DNAH2: variants seen among roughly 807,000 people sequenced by gnomAD.
DNAH2 encodes the protein axonemal beta dynein heavy chain 2.
Under a neutral mutation model 523.5 loss-of-function variants are expected in DNAH2, and 323 were observed. The ratio of observed to expected loss-of-function variants is 0.62; its 90% confidence interval spans 0.56 to 0.68. The LOEUF (loss-of-function observed/expected upper bound fraction) is 0.68, where lower values mean the gene tolerates loss of function less well. Among genes scored for constraint, DNAH2 ranks in the 30% least tolerant of loss-of-function variants. DNAH2 has a pLI of 0.00. For missense variants in DNAH2, 4,907 were observed against 5,701.5 expected, an observed-to-expected ratio of 0.86 and a Z score of 4.49; for synonymous variants, 2,093 against 2,177.4, an observed-to-expected ratio of 0.96 and a Z score of 1.08.
chr17:7,737,155 A>T lies in DNAH2; in HGVS notation c.1067A>T (p.Asp356Val). The change falls in exon 8 of 86, where the codon GAC (aspartate) becomes GTC (valine). Residue 356 changes from aspartate (D) to valine (V), a missense_variant. Transcript: ENST00000572933. ...YQELAFMKPK[D>V]ISSKLPKLIS... ...GAGTTGGCTTTCATGAAGCCCAAGG[A>T]CATCTCTAGCAAGCTCCCTAAGCTG... The T allele has an allele frequency of 6.2e-7, 1 of 1,614,114 alleles. No homozygotes were observed. The highest frequency in any genetic ancestry group is 8.5e-7 in the Non-Finnish European group (1 of 1,180,020).
rs777057188 is a variant in DNAH2 at position 7,777,667 on chromosome 17, C to A, written c.5247+33C>A. ...ATGGGCCACCTCCCCACTCTCTTAC[C>A]GTAAAATGGATCCTAATGCTTTTAT... On this transcript the variant is annotated intron_variant, in intron 33 of 85. Transcript: ENST00000572933. The A allele has an allele frequency of 5.0e-6, 8 of 1,610,610 alleles. No homozygotes were observed. The African/African-American group carries it at 1.1e-4, about 22-fold the overall frequency.
chr17:7,777,092 G>A (rs2076475016), intron 32 of DNAH2, among the ~76,000 whole-genome samples: 1 of 148,852 alleles, frequency 6.7e-6, no homozygotes, highest in Non-Finnish European at 1.5e-5. Flanking sequence ...TCGTACCACT[G>A]CACTCCAGCC....
chr17:7,777,765 TC>T (rs1416706149), intron 33 of DNAH2, 131 bp downstream of exon 33: 12 of 1,185,098 alleles, frequency 1.0e-5, no homozygotes, highest in Non-Finnish European at 1.4e-5. Context: ...CTAATCCGGT[TC>T]TTCCTTCCAT....
At position 7,786,861 on chromosome 17, in the gene DNAH2, G is replaced by T; in HGVS notation, c.6467-36G>T. On this transcript the variant is annotated intron_variant, in intron 41 of 85. Transcript: ENST00000572933. The surrounding 1 kb of genome is among the most constrained non-coding windows in gnomAD (Gnocchi z 7.5). ...GTGAGCGGAGGGTGCAAGGTGAGCG[G>T]CTCCCCGGTTTCCTCATCACCCACC... 6.2e-7 allele frequency: 1 copy of T among 1,613,806 alleles called. No homozygotes were observed. The highest frequency in any genetic ancestry group is 8.5e-7 in the Non-Finnish European group (1 of 1,179,768).
At position 7,770,637 on chromosome 17, in the gene DNAH2, C is replaced by A. The variant is rs760043771; in HGVS notation, c.4179C>A (p.Leu1393=). The part of the protein sequence containing the change: ...VPYKDKGHHR[L]RGTEEVFQAL... ...ACAAGGATAAGGGCCATCATCGGCT[C>A]AGGTCAGGGGAGCTGGGGCTCTAGG... The change falls in exon 26 of 86, where the codon CTC becomes CTA. Residue 1393 remains leucine, a splice_region_variant and synonymous_variant. Coordinates refer to ENST00000572933, the MANE Select transcript of DNAH2 (RefSeq NM_020877.5). 1 of 1,614,170 alleles carries A rather than the reference C, an allele frequency of 6.2e-7. No individual in the cohort carries two copies. The highest frequency in any genetic ancestry group is 2.2e-5 in the East Asian group (1 of 44,884).
rs755790203 is a variant in DNAH2, at chr17:7,804,242, A to G, written c.8973-14A>G. The G allele has an allele frequency of 1.9e-5, 30 of 1,613,634 alleles. 1 individual carries two copies. The highest frequency in any genetic ancestry group is 1.6e-4 in the East Asian group (7 of 44,872). On this transcript the variant is annotated splice_polypyrimidine_tract_variant and intron_variant, in intron 58 of 85. Transcript: ENST00000572933. ...GCCCCGCCTCTCCACACCCTGTCCT[A>G]TTCTTTCCCCCAGGTTGCTGGGAGA... is the stretch of plus-strand genomic sequence containing the variant.
chr17:7,781,103 T>G lies in DNAH2; in HGVS notation c.6065T>G (p.Leu2022Arg). ...IAKLTSVDAP[L>R]FNAIVQDLFP... is the part of the protein sequence containing the mutation. ...AAGCTCACTTCAGTTGATGCACCCCTGTTCAATGCCATCGTGCAAGATCTG... is the reference window on the plus strand; with the variant it reads ...AAGCTCACTTCAGTTGATGCACCCCGGTTCAATGCCATCGTGCAAGATCTG... The change falls in exon 39 of 86, where the codon CTG becomes CGG. Residue 2022 changes from leucine (L) to arginine (R), a missense_variant. By Grantham distance (102) the Leu-to-Arg change is moderately radical. Coordinates refer to ENST00000572933, the MANE Select transcript of DNAH2 (RefSeq NM_020877.5). The G allele has an allele frequency of 1.2e-6, 2 of 1,614,228 alleles. No individual in the cohort carries two copies. The highest frequency in any genetic ancestry group is 8.5e-7 in the Non-Finnish European group (1 of 1,180,044).
At chr17:7,802,152 T>G in intron 58 of DNAH2, 135 bp downstream of exon 58, 1 of 1,255,382 alleles carries the variant, frequency 8.0e-7, no homozygotes, top group Non-Finnish European at 1.1e-6. Flanking sequence ...GAAGAGGGAG[T>G]TGGGGCTTCC....
At chr17:7,728,743 G>T (rs1021972927) in intron 4 of DNAH2, among the ~76,000 whole-genome samples, 2 of 152,078 alleles carry the variant, frequency 1.3e-5, no homozygotes, top group African/African-American at 4.8e-5. Context: ...CTAGCACTTC[G>T]GGAGGCCGAG....
At chr17:7,740,140 C>T (rs752897792) in intron 9 of DNAH2, among the ~76,000 whole-genome samples, 1 of 151,582 alleles carries the variant, frequency 6.6e-6, no homozygotes, top group Middle Eastern at 3.2e-3. Flanking sequence ...TGAGCCTTTC[C>T]GGACTTGGAT....
In DNAH2 at chr17:7,786,984, A is replaced by G; in HGVS notation, c.6554A>G (p.Asn2185Ser). Residue 2185 changes from asparagine to serine, a missense_variant, in exon 42 of 86, where the codon AAC becomes AGC. Physicochemically the swap from Asn to Ser is conservative, Grantham distance 46 (BLOSUM62 1). Coordinates refer to ENST00000572933, the MANE Select transcript of DNAH2 (RefSeq NM_020877.5). The surrounding 1 kb of genome is among the most constrained non-coding windows in gnomAD (Gnocchi z 7.5). ...IENMNSVMDD[N>S]KVLTLINGER... The stretch of plus-strand genomic sequence containing the variant: ...AACATGAACTCCGTCATGGACGATA[A>G]CAAGGTGTTGACCCTCATCAACGGC... The G allele has an allele frequency of 5.0e-6, 8 of 1,614,226 alleles. No homozygotes were observed. The highest frequency in any genetic ancestry group is 6.8e-6 in the Non-Finnish European group (8 of 1,180,032).
intron 29 of DNAH2, 69 bp from the exon 30 acceptor site, chr17:7,775,172 G>A: frequency 6.6e-7 from 1 of 1,505,966 alleles, no homozygotes; most frequent in East Asian, 2.3e-5. Context: ...TCCTCAAAAG[G>A]CCCCAGGACT....
intron 14 of DNAH2, 27 bp from the exon 15 acceptor site, chr17:7,758,858 C>G (rs2075920509): frequency 6.2e-7 from 1 of 1,610,746 alleles, no homozygotes; most frequent in East Asian, 2.2e-5. Context: ...CGAGCTGAAA[C>G]TCCCCCATGA....
intron 64 of DNAH2, 130 bp downstream of exon 64, chr17:7,816,865 G>A: frequency 8.4e-7 from 1 of 1,196,078 alleles, no homozygotes; most frequent in Non-Finnish European, 1.2e-6. Context: ...AAGAACTGAG[G>A]CGTGGGAGCT....
Position 7,734,280 on chromosome 17 carries a change from G to A in DNAH2, c.726G>A (p.Val242=). 6.2e-7 allele frequency: 1 copy of A among 1,607,172 alleles called. No homozygotes were observed. The highest frequency in any genetic ancestry group is 8.5e-7 in the Non-Finnish European group (1 of 1,176,582). The change falls in exon 6 of 86, where the codon GTG becomes GTA. Residue 242 remains valine, a synonymous_variant. Transcript: ENST00000572933. The part of the protein sequence containing the change: ...PEMVIKDKEL[V]QRLETSMIHW... ...TGGTGATAAAGGACAAAGAGCTGGT[G>A]CAACGGCTAGAGAGTGAGTGGCTGG...
rs767360676 is a variant in DNAH2, at chr17:7,832,791, G to A, written c.12903+36G>A. On this transcript the variant is annotated intron_variant, in intron 83 of 85. Coordinates refer to ENST00000572933, the MANE Select transcript of DNAH2 (RefSeq NM_020877.5). This position sits in a 1 kb window ranked among gnomAD's most constrained non-coding sequence, Gnocchi z 4.3. Reference sequence around the variant, plus strand: ...TGCAAAGTGTGAGGGGGGGATGTATGCTGGGGCCATGTATGTGTTCTCCTC... The same window carrying A: ...TGCAAAGTGTGAGGGGGGGATGTATACTGGGGCCATGTATGTGTTCTCCTC... The A allele has an allele frequency of 3.7e-6, 6 of 1,613,978 alleles. No individual in the cohort carries two copies. Among genetic ancestry groups the A allele is most frequent in the African/African-American group, 1.3e-5 (1 of 74,914 alleles).
At chr17:7,827,528 C>A (rs1046160087) in intron 77 of DNAH2, among the ~76,000 whole-genome samples, 1 of 152,138 alleles carries the variant, frequency 6.6e-6, no homozygotes. Context: ...TCACTGCAAC[C>A]TCTGCCTCCC....
At position 7,792,041 on chromosome 17, in the gene DNAH2, G is replaced by A. The variant is rs995065697; in HGVS notation, c.7025G>A (p.Arg2342Gln). Residue 2342 changes from arginine to glutamine, a missense_variant, in exon 45 of 86, where the codon CGA becomes CAA. This residue lies in a region of DNAH2 where 2,806 missense variants were observed against 3,190.8 expected (regional missense o/e 0.88). Transcript: ENST00000572933. ...CGGAAGAGGATCGACAGCTACCTCCGAGAGATCGAGGGCTCCTTTCCCAAT... is the reference window on the plus strand; with the variant it reads ...CGGAAGAGGATCGACAGCTACCTCCAAGAGATCGAGGGCTCCTTTCCCAAT... ...EGRKRIDSYL[R>Q]EIEGSFPNKD... 1.2e-6 allele frequency: 2 copies of A among 1,613,792 alleles called. No individual in the cohort carries two copies. Among genetic ancestry groups the A allele is most frequent in the South Asian group, 1.1e-5 (1 of 91,042 alleles).
Position 7,804,484 on chromosome 17 carries a change from AC to A in DNAH2, c.9183+24del, listed in dbSNP as rs757388801. 35 of 1,603,800 alleles carry A rather than the reference AC, an allele frequency of 2.2e-5. No individual in the cohort carries two copies. The South Asian group carries it at 2.8e-4, about 13-fold the overall frequency. Reference sequence around the variant, plus strand: ...AGCAGAAGGTCCAGGGCCCACGCCCACCCCCCGTGCCCCACTCCCACCAGTG... The same window carrying A: ...AGCAGAAGGTCCAGGGCCCACGCCCACCCCCGTGCCCCACTCCCACCAGTG... On this transcript the variant is annotated intron_variant, in intron 59 of 85. Transcript: ENST00000572933.
Sources: allele counts gnomAD v4.1 joint callset (sites outside exome capture counted in the v4.1 genomes callset), GRCh38; gene constraint gnomAD v4.1.1; regional missense constraint gnomAD v4.1.1; non-coding constraint Gnocchi (gnomAD v3.1); transcripts MANE v1.5; gene names NCBI Gene and HGNC (gene_info 2026-07-23, HGNC 2026-07-21).